AP2S1: variants seen among roughly 807,000 people sequenced by gnomAD.
AP2S1 encodes the protein AP-2 complex subunit sigma.
AP2S1 carries 6 observed loss-of-function variants against 21.0 expected under a neutral mutation model. That is an observed-to-expected ratio of 0.29 (90% CI 0.16 to 0.56). AP2S1 has a LOEUF of 0.56. Ranked by LOEUF, AP2S1 falls within the 20% of genes least tolerant of loss-of-function variation. The pLI, the probability that AP2S1 is intolerant of heterozygous loss-of-function variation, is 0.92. For synonymous variants in AP2S1, 63 were observed against 74.6 expected (o/e 0.84, Z 0.80); for missense variants, 60 against 186.2 (o/e 0.32, Z 3.95).
intron 3 of AP2S1, 27 bp downstream of exon 3, chr19:46,839,438 C>A: frequency 3.8e-6 from 6 of 1,577,414 alleles, no homozygotes; most frequent in South Asian, 2.2e-5. Flanking sequence ...ACCCGCCTCC[C>A]CACCTTACAT....
At position 46,839,944 on chromosome 19, in the gene AP2S1, G is replaced by T. The variant is rs143814383; in HGVS notation, c.154-366C>A. ...GCCCGGGGCTGGGCGGGAGCCTGACGTGTTCAATAGTGTCCATGCAACCTT... is the reference window on the plus strand; with the variant it reads ...GCCCGGGGCTGGGCGGGAGCCTGACTTGTTCAATAGTGTCCATGCAACCTT... On this transcript the variant is annotated intron_variant, in intron 2 of 4. Transcript: ENST00000263270. 1.6e-4 allele frequency among the ~76,000 whole-genome samples: 24 copies of T among 152,266 alleles called. No individual in the cohort carries two copies. The East Asian group carries it at 4.4e-3, about 28-fold the overall frequency.
intron 1 of AP2S1, chr19:46,850,121 G>A (rs2055711867): frequency 8.1e-7 from 1 of 1,231,034 alleles, no homozygotes. Flanking sequence ...TTCTTTCCGA[G>A]TGTCCATCTT....
intron 2 of AP2S1, among the ~76,000 whole-genome samples, chr19:46,843,404 T>C (rs1456516036): frequency 1.3e-5 from 2 of 152,150 alleles, no homozygotes; most frequent in Admixed American, 1.3e-4. Flanking sequence ...CTGGACAACA[T>C]AGCAATACCC....
rs1339529824 is a variant in AP2S1 at position 46,838,887 on chromosome 19, C to G, written c.268-88G>C. On this transcript the variant is annotated intron_variant, in intron 3 of 4. Coordinates refer to ENST00000263270, the MANE Select transcript of AP2S1 (RefSeq NM_004069.6). The surrounding 1 kb of genome is among the most constrained non-coding windows in gnomAD (Gnocchi z 4.1). The stretch of plus-strand genomic sequence containing the variant: ...TGGGAACAAGGTCATCAGAAAGAGA[C>G]AGCAAAAAAAGAGACCAAGGGGGAG... The G allele has an allele frequency of 1.5e-6, 2 of 1,312,940 alleles. No individual in the cohort carries two copies. Among genetic ancestry groups the G allele is most frequent in the Admixed American group, 1.9e-5 (1 of 52,516 alleles). 81.3% of individuals were successfully genotyped at this position (1,312,940 alleles called of 1,614,324 possible).
At chr19:46,844,160 C>T (rs1444111046) in intron 2 of AP2S1, among the ~76,000 whole-genome samples, 2 of 152,100 alleles carry the variant, frequency 1.3e-5, no homozygotes, top group Non-Finnish European at 2.9e-5. Context: ...ACCTTGGCCT[C>T]CCAAAGTGCT....
intron 2 of AP2S1, among the ~76,000 whole-genome samples, chr19:46,844,758 C>G (rs2055592045): frequency 1.3e-5 from 2 of 152,128 alleles, no homozygotes; most frequent in South Asian, 4.1e-4. Context: ...CATGTTCGTG[C>G]CACTGCACTC....
chr19:46,849,034 A>T (rs2055687147), intron 1 of AP2S1, among the ~76,000 whole-genome samples: 1 of 85,360 alleles, frequency 1.2e-5, no homozygotes, highest in African/African-American at 4.9e-5. Flanking sequence ...TTTTTTTGAG[A>T]CAGAGTCTCA....
intron 2 of AP2S1, 130 bp from the exon 3 acceptor site, chr19:46,839,708 C>T: frequency 2.0e-6 from 3 of 1,472,502 alleles, no homozygotes; most frequent in Non-Finnish European, 2.7e-6. Context: ...TGGCCCTGTG[C>T]TGGGGTCACA....
chr19:46,850,410 G>C, intron 1 of AP2S1: 1 of 1,121,358 alleles, frequency 8.9e-7, no homozygotes, highest in East Asian at 3.2e-5. Flanking sequence ...TTCCTCTTTC[G>C]GACGCCCTCT....
chr19:46,844,339 C>T (rs187328267), intron 2 of AP2S1, among the ~76,000 whole-genome samples: 78 of 152,302 alleles, frequency 5.1e-4, no homozygotes, highest in Middle Eastern at 6.8e-3. Flanking sequence ...TTCCTGCTAT[C>T]CCTGGAACGC....
chr19:46,845,055 C>T (rs1599770014), intron 2 of AP2S1, among the ~76,000 whole-genome samples: 1 of 147,860 alleles, frequency 6.8e-6, no homozygotes, highest in South Asian at 2.2e-4. Flanking sequence ...CCAAGATTGC[C>T]CCCATTGCAC....
intron 2 of AP2S1, among the ~76,000 whole-genome samples, chr19:46,842,112 C>T (rs395604): frequency 0.21 from 31,736 of 151,712 alleles, 4,373 homozygotes; most frequent in East Asian, 0.48. Flanking sequence ...GCCTGGGAGG[C>T]GGAGGCTGCA....
chr19:46,838,980 A>AGTTC lies in AP2S1; in HGVS notation c.268-182_268-181insGAAC, dbSNP rs1376023973. ...GACACACAGAGAGAAACAAAAGCAA[A>AGTTC]GATCGATGCAAAGAGATGGCAAAAG... is the stretch of plus-strand genomic sequence containing the variant. On this transcript the variant is annotated intron_variant, in intron 3 of 4. Transcript: ENST00000263270. The surrounding 1 kb of genome is among the most constrained non-coding windows in gnomAD (Gnocchi z 4.1). Among the ~76,000 whole-genome samples the AGTTC allele has an allele frequency of 2.0e-5, 3 of 151,890 alleles. No homozygotes were observed. The highest frequency in any genetic ancestry group is 7.3e-5 in the African/African-American group (3 of 41,324).
chr19:46,850,772 C>T lies in AP2S1; in HGVS notation c.-6G>A, dbSNP rs568178460. On this transcript the variant is annotated 5_prime_UTR_variant, in exon 1 of 5. Transcript: ENST00000263270. ...TAGCGCTCCCCCGTTACCATGGCGA[C>T]CCCCGTCCAGACCCCAGCGGCCCCG... The T allele has an allele frequency of 4.4e-6, 7 of 1,585,606 alleles. No individual in the cohort carries two copies. The highest frequency in any genetic ancestry group is 6.0e-6 in the Non-Finnish European group (7 of 1,164,066).
chr19:46,846,235 AG>A, intron 1 of AP2S1, 93 bp from the exon 2 acceptor site: 1 of 1,508,334 alleles, frequency 6.6e-7, no homozygotes, highest in East Asian at 2.3e-5. Context: ...CCCAGAGGGG[AG>A]ATAGGGCTCA....
chr19:46,838,407 G>C lies in AP2S1; in HGVS notation c.*40C>G. On this transcript the variant is annotated 3_prime_UTR_variant, in exon 5 of 5. Coordinates refer to ENST00000263270, the MANE Select transcript of AP2S1 (RefSeq NM_004069.6). The surrounding 1 kb of genome is among the most constrained non-coding windows in gnomAD (Gnocchi z 4.1). ...CTGGGAAGGGGAAGCGAGCAGGCGA[G>C]TCCAGGAGGGGCCGGGGCCGGGGTG... 6.2e-7 allele frequency: 1 copy of C among 1,600,352 alleles called. No homozygotes were observed. Among genetic ancestry groups the C allele is most frequent in the East Asian group, 2.2e-5 (1 of 44,802 alleles).
At chr19:46,839,715 C>A in intron 2 of AP2S1, 137 bp from the exon 3 acceptor site, 1 of 1,436,566 alleles carries the variant, frequency 7.0e-7, no homozygotes, top group South Asian at 1.3e-5. Context: ...GTGCTGGGGT[C>A]ACAGCAGTGA....
chr19:46,839,646 A>G, intron 2 of AP2S1, 68 bp from the exon 3 acceptor site: 2 of 1,609,470 alleles, frequency 1.2e-6, no homozygotes, highest in Non-Finnish European at 1.7e-6. Flanking sequence ...GAGTGGGGCC[A>G]AAACATTCAC....
chr19:46,841,562 C>T (rs2055521528), intron 2 of AP2S1, among the ~76,000 whole-genome samples: 1 of 152,208 alleles, frequency 6.6e-6, no homozygotes, highest in Non-Finnish European at 1.5e-5. Flanking sequence ...TGCCCTGCCC[C>T]AGCCTGACCA....
Sources: gnomAD v4.1 joint callset for allele counts (sites outside exome capture counted in the v4.1 genomes callset) on GRCh38, gnomAD v4.1.1 for gene constraint, Gnocchi (gnomAD v3.1) non-coding constraint, MANE v1.5 for transcripts, NCBI Gene and HGNC (gene_info 2026-07-23, HGNC 2026-07-21) for gene names.